The following DCLK1 variants were observed in gnomAD, a reference collection of about 807,000 sequenced individuals.
The protein encoded by DCLK1 is serine/threonine-protein kinase DCLK1.
In DCLK1, 16 loss-of-function variants were observed where a neutral mutation model predicts 86.2. The ratio of observed to expected loss-of-function variants is 0.19; its 90% CI spans 0.13 to 0.28. The LOEUF (loss-of-function observed/expected upper bound fraction) is 0.28, where lower values mean the gene tolerates loss of function less well. Ranked by LOEUF, DCLK1 falls within the 10% of genes least tolerant of loss-of-function variation. The pLI is 1.00. For missense variants in DCLK1, 590 were observed against 940.2 expected (o/e 0.63, Z 4.87); for synonymous variants, 369 against 370.5 (o/e 1.00, Z 0.05).
chr13:35,870,049 G>T (rs1257625027), intron 5 of DCLK1, among the ~76,000 whole-genome samples: 1 of 152,176 alleles, frequency 6.6e-6, no homozygotes, highest in African/African-American at 2.4e-5. Flanking sequence ...TACATGAGCA[G>T]TGTCATACTA....
intron 3 of DCLK1, among the ~76,000 whole-genome samples, chr13:36,008,030 T>G (rs1230701059): frequency 6.6e-6 from 1 of 151,816 alleles, no homozygotes; most frequent in Non-Finnish European, 1.5e-5. Context: ...TTTAGGTTTC[T>G]TCTTATGAAC....
At chr13:35,863,698 C>A (rs1025397806) in intron 5 of DCLK1, among the ~76,000 whole-genome samples, 1 of 152,170 alleles carries the variant, frequency 6.6e-6, no homozygotes, top group Non-Finnish European at 1.5e-5. Flanking sequence ...AGGCTGAATT[C>A]TCTACACTAA....
intron 3 of DCLK1, among the ~76,000 whole-genome samples, chr13:36,041,776 C>A (rs780684193): frequency 1.3e-5 from 2 of 152,110 alleles, no homozygotes; most frequent in Non-Finnish European, 2.9e-5. Flanking sequence ...TACACAGTTA[C>A]CTATACTTCA....
intron 4 of DCLK1, among the ~76,000 whole-genome samples, chr13:35,891,565 C>T (rs7986767): frequency 0.029 from 4,431 of 152,148 alleles, 82 homozygotes; most frequent in South Asian, 0.054. Flanking sequence ...CACAATTCTG[C>T]GAATGTACTA....
chr13:35,881,749 G>A (rs1340279211), intron 4 of DCLK1, among the ~76,000 whole-genome samples: 1 of 152,128 alleles, frequency 6.6e-6, no homozygotes, highest in Non-Finnish European at 1.5e-5. Context: ...CACTTGGATA[G>A]ACACCATTTC....
chr13:36,036,230 T>C (rs1434601067), intron 3 of DCLK1, among the ~76,000 whole-genome samples: 1 of 152,172 alleles, frequency 6.6e-6, no homozygotes, highest in Non-Finnish European at 1.5e-5. Context: ...AAAAAGTGGG[T>C]ATAAATATGA....
At chr13:36,085,752 G>A (rs1884571302) in intron 3 of DCLK1, among the ~76,000 whole-genome samples, 1 of 152,146 alleles carries the variant, frequency 6.6e-6, no homozygotes, top group South Asian at 2.1e-4. Flanking sequence ...AGCTCCCTGG[G>A]AGGGAAGGCT....
intron 4 of DCLK1, among the ~76,000 whole-genome samples, chr13:35,917,660 A>C (rs1019898126): frequency 3.3e-5 from 5 of 152,188 alleles, no homozygotes; most frequent in Non-Finnish European, 1.5e-5. Flanking sequence ...AGAAAATGAA[A>C]GCTTATAAAC....
intron 4 of DCLK1, among the ~76,000 whole-genome samples, chr13:35,941,159 T>G (rs1877057768): frequency 6.6e-6 from 1 of 152,184 alleles, no homozygotes; most frequent in Non-Finnish European, 1.5e-5. Flanking sequence ...TTCCTACTAT[T>G]CCATTAGGTT....
intron 3 of DCLK1, among the ~76,000 whole-genome samples, chr13:35,956,618 T>G (rs1675587020): frequency 6.6e-6 from 1 of 152,246 alleles, no homozygotes; most frequent in Admixed American, 6.5e-5. Context: ...CTTCAAGTTC[T>G]CATCACCAAT....
At chr13:35,812,425 T>A (rs1331851912) in intron 11 of DCLK1, among the ~76,000 whole-genome samples, 2 of 152,236 alleles carry the variant, frequency 1.3e-5, no homozygotes, top group African/African-American at 4.8e-5. Context: ...TCTGTGATCA[T>A]CTGTTACTTG....
intron 3 of DCLK1, among the ~76,000 whole-genome samples, chr13:36,106,889 T>C (rs2138178073): frequency 6.6e-6 from 1 of 152,236 alleles, no homozygotes; most frequent in East Asian, 1.9e-4. Context: ...TCTTAAGCAC[T>C]CTAAACCCAA....
intron 8 of DCLK1, among the ~76,000 whole-genome samples, chr13:35,834,169 G>C (rs1406394963): frequency 2.0e-5 from 3 of 152,064 alleles, no homozygotes; most frequent in African/African-American, 7.2e-5. Context: ...GGGGTTTTCT[G>C]CTACAGTAGA....
intron 3 of DCLK1, among the ~76,000 whole-genome samples, chr13:35,978,203 CTTTTTTTTTTTT>C (rs11311688): frequency 7.3e-5 from 6 of 82,758 alleles, no homozygotes; most frequent in African/African-American, 2.9e-4. Flanking sequence ...CTTTTCTTTT[CTTTTTTTTTTTT>C]TTTTTTTTTT....
chr13:36,028,590 G>A (rs1034439251), intron 3 of DCLK1, among the ~76,000 whole-genome samples: 13 of 152,184 alleles, frequency 8.5e-5, no homozygotes, highest in South Asian at 4.1e-4. Context: ...TGTCAGAGGC[G>A]TTTGAACCAG....
intron 3 of DCLK1, among the ~76,000 whole-genome samples, chr13:36,101,249 T>C (rs1265989615): frequency 6.6e-6 from 1 of 152,226 alleles, no homozygotes; most frequent in African/African-American, 2.4e-5. Context: ...ACAGTGTTTG[T>C]TCAGCCTTCC....
chr13:35,934,152 C>G (rs1443070060), intron 4 of DCLK1, among the ~76,000 whole-genome samples: 3 of 152,192 alleles, frequency 2.0e-5, no homozygotes, highest in Non-Finnish European at 2.9e-5. Flanking sequence ...AGTTCCTCAT[C>G]TACATCTGAG....
chr13:35,805,345 G>A, intron 15 of DCLK1: 1 of 223,656 alleles, frequency 4.5e-6, no homozygotes, highest in Non-Finnish European at 8.7e-6. Context: ...CATTCAGGTT[G>A]GAGTGCAGTG....
At chr13:35,860,807 G>C (rs1433764850) in intron 5 of DCLK1, among the ~76,000 whole-genome samples, 1 of 152,146 alleles carries the variant, frequency 6.6e-6, no homozygotes, top group Non-Finnish European at 1.5e-5. Flanking sequence ...TGCAGGGCTG[G>C]GGAAGACCCT....
Sources: gnomAD v4.1 joint callset for allele counts (sites outside exome capture counted in the v4.1 genomes callset) on GRCh38, gnomAD v4.1.1 for gene constraint, MANE v1.5 for transcripts, NCBI Gene and HGNC (gene_info 2026-07-23, HGNC 2026-07-21) for gene names.